ARFGEF2: variants seen among roughly 807,000 people sequenced by gnomAD.
The protein encoded by ARFGEF2 is brefeldin A-inhibited guanine nucleotide-exchange protein 2.
A neutral mutation model predicts 219.9 loss-of-function variants in ARFGEF2; 74 were observed. That is an observed-to-expected ratio of 0.34 (90% CI 0.28 to 0.41). The LOEUF is 0.41. Among genes scored for constraint, ARFGEF2 ranks in the 10% least tolerant of loss-of-function variants. The pLI is 1.00. For missense variants in ARFGEF2, 1,743 were observed against 2,218.3 expected, an observed-to-expected ratio of 0.79 and a Z score of 4.30; for synonymous variants, 733 against 799.2, an observed-to-expected ratio of 0.92 and a Z score of 1.40.
intron 14 of ARFGEF2, among the ~76,000 whole-genome samples, chr20:48,980,978 A>C (rs2091292217): frequency 6.6e-6 from 1 of 152,216 alleles, no homozygotes; most frequent in South Asian, 2.1e-4. Flanking sequence ...TATCCCCATT[A>C]CATTTCAAGT....
chr20:48,973,023 T>G, intron 11 of ARFGEF2, 122 bp from the exon 12 acceptor site: 96 of 1,053,514 alleles, frequency 9.1e-5, no homozygotes, highest in Non-Finnish European at 1.4e-4. Flanking sequence ...GTTTCCTGAG[T>G]GAGATGTGGC....
At chr20:48,973,039 G>C (rs1486770614) in intron 11 of ARFGEF2, 106 bp from the exon 12 acceptor site, 1 of 1,273,064 alleles carries the variant, frequency 7.9e-7, no homozygotes, top group Non-Finnish European at 1.1e-6. Context: ...GTGGCCACCG[G>C]AGTCTGTAGT....
chr20:48,973,982 A>T (rs1468228336), intron 12 of ARFGEF2, among the ~76,000 whole-genome samples: 2 of 152,090 alleles, frequency 1.3e-5, no homozygotes, highest in Admixed American at 6.5e-5. Context: ...TTAAAGGGTG[A>T]GCCTTAAAAT....
At chr20:48,929,738 A>G (rs2090901806) in intron 1 of ARFGEF2, among the ~76,000 whole-genome samples, 1 of 152,178 alleles carries the variant, frequency 6.6e-6, no homozygotes, top group Non-Finnish European at 1.5e-5. Context: ...TGAAGGCTCT[A>G]TGGCAGAGAG....
Position 49,004,598 on chromosome 20 carries a change from C to T in ARFGEF2, c.3433-472C>T, listed in dbSNP as rs949681644. 1.3e-5 allele frequency among the ~76,000 whole-genome samples: 2 copies of T among 151,810 alleles called. 1 individual carries two copies. Among genetic ancestry groups the T allele is most frequent in the South Asian group, 4.2e-4 (2 of 4,780 alleles). ...GGTGGATCACCTGAGGTCAGGAGTTCGAGACCAGCTTGGCCAACATGGTGA... is the reference window on the plus strand; with the variant it reads ...GGTGGATCACCTGAGGTCAGGAGTTTGAGACCAGCTTGGCCAACATGGTGA... On this transcript the variant is annotated intron_variant, in intron 25 of 38. Coordinates refer to ENST00000371917, the MANE Select transcript of ARFGEF2 (RefSeq NM_006420.3).
At chr20:49,026,603 T>TTTTTTG (rs2091604898) in intron 36 of ARFGEF2, among the ~76,000 whole-genome samples, 1 of 150,380 alleles carries the variant, frequency 6.6e-6, no homozygotes, top group African/African-American at 2.4e-5. Flanking sequence ...TTTTTTTTTT[T>TTTTTTG]GAGGCAGAGT....
chr20:49,033,983 G>T lies in ARFGEF2; in HGVS notation c.*784G>T, dbSNP rs937782150. ...CCTTGAAATAAGTATTTGTGGATGG[G>T]TGTTAAATTAAAATTTCCAGAATAC... On this transcript the variant is annotated 3_prime_UTR_variant, in exon 39 of 39. Coordinates refer to ENST00000371917, the MANE Select transcript of ARFGEF2 (RefSeq NM_006420.3). 1 of 152,160 alleles carries T rather than the reference G, an allele frequency of 6.6e-6. No homozygotes were observed. Among genetic ancestry groups the T allele is most frequent in the African/African-American group, 2.4e-5 (1 of 41,426 alleles). The allele number at this position is 152,160 out of a possible 1,614,324, so 9.4% of individuals were successfully genotyped here. A position where few individuals can be genotyped will look rare whatever the true frequency, so the allele number is the denominator to read the frequency against.
intron 27 of ARFGEF2, 27 bp from the exon 28 acceptor site, chr20:49,011,897 T>G: frequency 6.2e-6 from 10 of 1,613,860 alleles, no homozygotes; most frequent in Non-Finnish European, 8.5e-6. Flanking sequence ...CCTGGTCTTA[T>G]GAAAAATGTG....
At chr20:48,999,550 G>A (rs1320435604) in intron 25 of ARFGEF2, among the ~76,000 whole-genome samples, 7 of 151,848 alleles carry the variant, frequency 4.6e-5, no homozygotes, top group African/African-American at 1.2e-4. Context: ...GATCGAGACC[G>A]TCCTGGCTAA....
intron 1 of ARFGEF2, among the ~76,000 whole-genome samples, chr20:48,934,685 C>G (rs945684518): frequency 8.5e-5 from 13 of 152,258 alleles, no homozygotes; most frequent in Admixed American, 2.6e-4. Context: ...GACATGAACT[C>G]ATTCTTTTTT....
In ARFGEF2 at chr20:49,035,895, ACTC is replaced by A. The variant is rs568532432; in HGVS notation, c.*2700_*2702del. The A allele has an allele frequency of 3.1e-4, 104 of 333,586 alleles. No homozygotes were observed. The highest frequency in any genetic ancestry group is 2.0e-3 in the African/African-American group (96 of 47,342). The allele number at this position is 333,586 out of a possible 1,614,324, so 20.7% of individuals were successfully genotyped here. A position where few individuals can be genotyped will look rare whatever the true frequency, so the allele number is the denominator to read the frequency against. On this transcript the variant is annotated 3_prime_UTR_variant, in exon 39 of 39. Coordinates refer to ENST00000371917, the MANE Select transcript of ARFGEF2 (RefSeq NM_006420.3). Reference sequence around the variant, plus strand: ...AGAGTCAAATATATCTTTTCCCTGTACTCCTCATGTACAACCAAAGAACATACA... The same window carrying A: ...AGAGTCAAATATATCTTTTCCCTGTACTCATGTACAACCAAAGAACATACA...
intron 1 of ARFGEF2, among the ~76,000 whole-genome samples, chr20:48,925,866 A>G (rs975595738): frequency 5.9e-5 from 9 of 152,200 alleles, no homozygotes; most frequent in African/African-American, 1.4e-4. Flanking sequence ...TAGGTGCTCT[A>G]TAATTACTAG....
chr20:48,999,808 C>T (rs984127614), intron 25 of ARFGEF2, among the ~76,000 whole-genome samples: 2 of 150,746 alleles, frequency 1.3e-5, no homozygotes, highest in Non-Finnish European at 3.0e-5. Context: ...TCATTTGCCT[C>T]TTAAGGGAAA....
intron 10 of ARFGEF2, among the ~76,000 whole-genome samples, 181 bp downstream of exon 10, chr20:48,971,535 G>C (rs2091227571): frequency 6.6e-6 from 1 of 152,110 alleles, no homozygotes; most frequent in Admixed American, 6.6e-5. Context: ...AGGGTAAATG[G>C]CATATTCATC....
chr20:49,019,240 C>T (rs1478697452), intron 34 of ARFGEF2, among the ~76,000 whole-genome samples: 1 of 152,152 alleles, frequency 6.6e-6, no homozygotes, highest in Non-Finnish European at 1.5e-5. Context: ...TACGAATTTT[C>T]TCCTTTTACC....
chr20:49,000,124 C>T (rs1183788398), intron 25 of ARFGEF2, among the ~76,000 whole-genome samples: 1 of 152,170 alleles, frequency 6.6e-6, no homozygotes, highest in East Asian at 1.9e-4. Flanking sequence ...CACCTCATTA[C>T]CTCTTGTGGA....
At chr20:48,976,944 T>G (rs2091266061) in intron 14 of ARFGEF2, among the ~76,000 whole-genome samples, 1 of 137,592 alleles carries the variant, frequency 7.3e-6, no homozygotes, top group East Asian at 2.0e-4. Flanking sequence ...GCATTTTATT[T>G]TATTTTATTT....
In ARFGEF2 at chr20:49,025,302, C is replaced by G; in HGVS notation, c.4756-11C>G. 1 of 1,605,258 alleles carries G rather than the reference C, an allele frequency of 6.2e-7. No homozygotes were observed. The highest frequency in any genetic ancestry group is 1.1e-5 in the South Asian group (1 of 89,690). On this transcript the variant is annotated splice_polypyrimidine_tract_variant and intron_variant, in intron 35 of 38. Transcript: ENST00000371917. ...TTCATTAGCTCTTCTATCCTCTGTC[C>G]TGTCCTCTAGCAAGACACGCTGGAT...
In ARFGEF2 at chr20:48,935,915, C is replaced by G. The variant is rs532032536; in HGVS notation, c.122-5284C>G. 2.9e-3 allele frequency among the ~76,000 whole-genome samples: 377 copies of G among 131,952 alleles called. 4 individuals carry two copies. Among genetic ancestry groups the G allele is most frequent in the South Asian group, 0.01 (43 of 4,216 alleles). The allele number at this position is 131,952 out of a possible 152,430, so 86.6% of individuals were successfully genotyped here. On this transcript the variant is annotated intron_variant, in intron 1 of 38. Transcript: ENST00000371917. The stretch of plus-strand genomic sequence containing the variant: ...GGCGGCCGGGCAGAGGCACCCCTCA[C>G]TTCCCGCATGGGGCGGCTGGCCGGG...
Sources: allele counts gnomAD v4.1 joint callset (sites outside exome capture counted in the v4.1 genomes callset), GRCh38; gene constraint gnomAD v4.1.1; transcripts MANE v1.5; gene names NCBI Gene and HGNC (gene_info 2026-07-23, HGNC 2026-07-21).